Variants in CSMD1 observed in about 807,000 individuals in gnomAD.
CSMD1 encodes the protein CUB and sushi domain-containing protein 1.
Under a neutral mutation model 417.5 loss-of-function variants are expected in CSMD1, and 213 were observed. That is an observed-to-expected ratio of 0.51 (90% CI 0.46 to 0.57). The LOEUF (loss-of-function observed/expected upper bound fraction) is 0.57, where lower values mean the gene tolerates loss of function less well. CSMD1 is among the 20% of genes least tolerant of loss of function. The pLI is 0.00. For synonymous variants in CSMD1, 2,862 were observed against 1,736.8 expected, an observed-to-expected ratio of 1.65 and a Z score of -16.11; for missense variants, 6,923 against 4,529.7, an observed-to-expected ratio of 1.53 and a Z score of -15.17.
intron 1 of CSMD1, among the ~76,000 whole-genome samples, chr8:4,946,876 A>G (rs1808405578): frequency 6.6e-6 from 1 of 151,910 alleles, no homozygotes; most frequent in Non-Finnish European, 1.5e-5. Flanking sequence ...CATAGCCATG[A>G]TTTAATAATC....
In CSMD1 at chr8:3,388,896, T is replaced by TACACAC. The variant is rs6150441; in HGVS notation, c.2594-1220_2594-1215dup. On this transcript the variant is annotated intron_variant, in intron 17 of 69. Coordinates refer to ENST00000635120, the MANE Select transcript of CSMD1 (RefSeq NM_033225.6). The stretch of plus-strand genomic sequence containing the variant: ...TCTACATACACACCACACACATGCA[T>TACACAC]ACACACACACACACACACACACACA... 3.1e-3 allele frequency among the ~76,000 whole-genome samples: 462 copies of TACACAC among 147,722 alleles called. 4 individuals are homozygous for TACACAC. Among genetic ancestry groups the TACACAC allele is most frequent in the African/African-American group, 8.9e-3 (359 of 40,146 alleles).
At chr8:4,555,305 G>C (rs958912851) in intron 2 of CSMD1, among the ~76,000 whole-genome samples, 4 of 152,156 alleles carry the variant, frequency 2.6e-5, no homozygotes, top group African/African-American at 4.8e-5. Flanking sequence ...GCAGTGGCAT[G>C]TTTGGGAGAT....
intron 3 of CSMD1, among the ~76,000 whole-genome samples, chr8:4,193,298 C>G (rs1379232005): frequency 6.6e-6 from 1 of 152,102 alleles, no homozygotes; most frequent in Non-Finnish European, 1.5e-5. Flanking sequence ...ATACCATGCC[C>G]ATAATGAAAA....
At position 3,115,463 on chromosome 8, in the gene CSMD1, A is replaced by T. The variant is rs148028536; in HGVS notation, c.6430+2936T>A. Among the ~76,000 whole-genome samples, 1,477 of 152,180 alleles carry T rather than the reference A, an allele frequency of 9.7e-3. 15 individuals are homozygous for T. The highest frequency in any genetic ancestry group is 0.052 in the East Asian group (271 of 5,162). ...GTGATCCACCCACCTCGGTCTCCCA[A>T]AGTGTTGGGATTACAGGCGTGAGCC... On this transcript the variant is annotated intron_variant, in intron 42 of 69. Coordinates refer to ENST00000635120, the MANE Select transcript of CSMD1 (RefSeq NM_033225.6).
chr8:4,450,026 C>T (rs959822246), intron 2 of CSMD1, among the ~76,000 whole-genome samples: 1 of 152,168 alleles, frequency 6.6e-6, no homozygotes, highest in Non-Finnish European at 1.5e-5. Flanking sequence ...CCTGGGTGTC[C>T]TGTCCTTGAT....
intron 10 of CSMD1, among the ~76,000 whole-genome samples, chr8:3,527,818 T>C (rs966770915): frequency 6.6e-5 from 10 of 152,188 alleles, no homozygotes; most frequent in Non-Finnish European, 1.5e-4. Context: ...AACATCCTGT[T>C]TAATAACAGT....
intron 3 of CSMD1, among the ~76,000 whole-genome samples, chr8:4,223,107 C>G (rs897652581): frequency 1.4e-5 from 2 of 144,336 alleles, no homozygotes; most frequent in African/African-American, 2.5e-5. Flanking sequence ...CCCTGAGCAT[C>G]TGTAGTAGCA....
chr8:4,108,784 G>A (rs1183197161), intron 3 of CSMD1, among the ~76,000 whole-genome samples: 1 of 152,150 alleles, frequency 6.6e-6, no homozygotes, highest in Non-Finnish European at 1.5e-5. Flanking sequence ...GAAATATCTT[G>A]ATTCTAAAGC....
chr8:4,863,626 C>G (rs145016642), intron 1 of CSMD1, among the ~76,000 whole-genome samples: 1 of 152,010 alleles, frequency 6.6e-6, no homozygotes, highest in Non-Finnish European at 1.5e-5. Flanking sequence ...TCCCACCTCT[C>G]CATATCCACC....
At chr8:3,243,740 A>T (rs914872556) in intron 26 of CSMD1, among the ~76,000 whole-genome samples, 1 of 151,104 alleles carries the variant, frequency 6.6e-6, no homozygotes, top group Non-Finnish European at 1.5e-5. Context: ...GAAAATTACA[A>T]ATATTATTTA....
intron 57 of CSMD1, among the ~76,000 whole-genome samples, chr8:2,970,643 T>C (rs1004879535): frequency 6.6e-6 from 1 of 152,184 alleles, no homozygotes; most frequent in Non-Finnish European, 1.5e-5. Context: ...AGCCTCTCTG[T>C]TTTTAAACAA....
At chr8:3,581,582 TC>T (rs1800385107) in intron 9 of CSMD1, among the ~76,000 whole-genome samples, 1 of 152,164 alleles carries the variant, frequency 6.6e-6, no homozygotes, top group Non-Finnish European at 1.5e-5. Context: ...AGAGTTACAG[TC>T]CCTTCATGAA....
chr8:3,649,034 T>A (rs1410954807), intron 7 of CSMD1, among the ~76,000 whole-genome samples: 1 of 152,196 alleles, frequency 6.6e-6, no homozygotes, highest in East Asian at 1.9e-4. Flanking sequence ...GTCACAGAGT[T>A]CATCAATGGA....
chr8:4,678,944 A>C (rs1805859777), intron 1 of CSMD1, among the ~76,000 whole-genome samples: 1 of 152,218 alleles, frequency 6.6e-6, no homozygotes, highest in African/African-American at 2.4e-5. Flanking sequence ...AAACCAAACC[A>C]GCCAACCTTA....
At chr8:3,484,924 G>A (rs1202476379) in intron 11 of CSMD1, among the ~76,000 whole-genome samples, 1 of 152,152 alleles carries the variant, frequency 6.6e-6, no homozygotes, top group Non-Finnish European at 1.5e-5. Flanking sequence ...AAAACCAATT[G>A]TGGGGACGGC....
intron 55 of CSMD1, among the ~76,000 whole-genome samples, chr8:2,975,469 G>A (rs1360630865): frequency 1.3e-5 from 2 of 152,246 alleles, no homozygotes; most frequent in Non-Finnish European, 2.9e-5. Flanking sequence ...ATTTGGTAAC[G>A]AGACACCCAG....
chr8:4,351,502 A>G (rs1174893655), intron 3 of CSMD1, among the ~76,000 whole-genome samples: 2 of 152,372 alleles, frequency 1.3e-5, no homozygotes, highest in East Asian at 1.9e-4. Flanking sequence ...GATTAGGAAG[A>G]AAATTGACAG....
intron 3 of CSMD1, among the ~76,000 whole-genome samples, chr8:4,199,156 C>G (rs1482793081): frequency 1.3e-5 from 2 of 152,114 alleles, no homozygotes; most frequent in Non-Finnish European, 2.9e-5. Flanking sequence ...CAGAACGTAT[C>G]CAGCACAGCA....
At chr8:4,818,159 T>A (rs1427960301) in intron 1 of CSMD1, among the ~76,000 whole-genome samples, 1 of 152,160 alleles carries the variant, frequency 6.6e-6, no homozygotes, top group African/African-American at 2.4e-5. Flanking sequence ...ATGTGACAAA[T>A]GAGATTTATA....
Sources: allele counts gnomAD v4.1 joint callset (sites outside exome capture counted in the v4.1 genomes callset), GRCh38; gene constraint gnomAD v4.1.1; transcripts MANE v1.5; gene names NCBI Gene and HGNC (gene_info 2026-07-23, HGNC 2026-07-21).